SOHLH1: variants seen among roughly 807,000 people sequenced by gnomAD.
SOHLH1 encodes spermatogenesis- and oogenesis-specific basic helix-loop-helix-containing protein 1.
A neutral mutation model predicts 36.2 loss-of-function variants in SOHLH1; 23 were observed. That is an observed-to-expected ratio of 0.64 (90% CI 0.46 to 0.90). The LOEUF is 0.90. SOHLH1 is among the 40% of genes least tolerant of loss of function. SOHLH1 has a pLI of 0.00. For missense variants in SOHLH1, 608 were observed against 517.0 expected (o/e 1.18, Z -1.71); for synonymous variants, 289 against 228.3 (o/e 1.27, Z -2.40).
chr9:135,694,092 C>G lies in SOHLH1; in HGVS notation c.947-278G>C, dbSNP rs866623969. ...GGCCATACACCTTTGCCGGCCAGCACGGGCTGGACCAGGGGCCTCGCTGAC... is the reference window on the plus strand; with the variant it reads ...GGCCATACACCTTTGCCGGCCAGCAGGGGCTGGACCAGGGGCCTCGCTGAC... On this transcript the variant is annotated intron_variant, in intron 7 of 7. Coordinates refer to ENST00000425225, the MANE Select transcript of SOHLH1 (RefSeq NM_001101677.2). 3.5e-6 allele frequency: 5 copies of G among 1,427,760 alleles called. No individual in the cohort carries two copies. In the Admixed American group the frequency reaches 1.1e-4, roughly 33 times the overall value. The allele number at this position is 1,427,760 out of a possible 1,614,324, so 88.4% of individuals were successfully genotyped here. A position where few individuals can be genotyped will look rare whatever the true frequency, so the allele number is the denominator to read the frequency against.
At chr9:135,698,249 G>A (rs532319348) in intron 3 of SOHLH1, 80 bp downstream of exon 3, 362 of 1,589,294 alleles carry the variant, frequency 2.3e-4, no homozygotes, top group Non-Finnish European at 2.9e-4. Context: ...GGATGACAGG[G>A]GACACACTGC....
At chr9:135,695,316 G>T in intron 5 of SOHLH1, 53 bp from the exon 6 acceptor site, 2 of 1,526,870 alleles carry the variant, frequency 1.3e-6, no homozygotes, top group Non-Finnish European at 1.8e-6. Context: ...CCCACAGGCT[G>T]CCCCCGAGGA....
At position 135,695,136 on chromosome 9, in the gene SOHLH1, C is replaced by A. The variant is rs1445992899; in HGVS notation, c.789G>T (p.Trp263Cys). ...TGGCCAGGGGCCCAGCCTGGCCCAG[C>A]CAGCCAAGGGCCTCCCCGCTCATCA... ...LPVMSGEALGWLGQAGPLAMG... is the reference protein window; with the variant it reads ...LPVMSGEALGCLGQAGPLAMG... Residue 263 changes from tryptophan (W) to cysteine (C), a missense_variant, in exon 6 of 8, where the codon TGG (tryptophan) becomes TGT (cysteine). Coordinates refer to ENST00000425225, the MANE Select transcript of SOHLH1 (RefSeq NM_001101677.2). The A allele has an allele frequency of 6.3e-7, 1 of 1,598,442 alleles. No individual in the cohort carries two copies. Among genetic ancestry groups the A allele is most frequent in the South Asian group, 1.1e-5 (1 of 88,540 alleles).
In SOHLH1 at chr9:135,693,834, AT is replaced by A; in HGVS notation, c.947-21del. On this transcript the variant is annotated intron_variant, in intron 7 of 7. Transcript: ENST00000425225. ...GAGACCCTGGAAGCAAACAGGACAC[AT>A]CGGCAGGGCAGGCAGGTGCTCTGGG... 1 of 1,538,182 alleles carries A rather than the reference AT, an allele frequency of 6.5e-7. No individual in the cohort carries two copies. The highest frequency in any genetic ancestry group is 1.2e-5 in the South Asian group (1 of 83,888).
upstream of SOHLH1, chr9:135,699,494 C>A (rs375000520): frequency 4.4e-6 from 7 of 1,606,490 alleles, no homozygotes; most frequent in African/African-American, 6.7e-5. Context: ...AGCGACCCCA[C>A]GCGCACGGCC....
chr9:135,694,003 C>G, intron 7 of SOHLH1, 189 bp from the exon 8 acceptor site: 1 of 1,428,652 alleles, frequency 7.0e-7, no homozygotes, highest in Non-Finnish European at 9.1e-7. Flanking sequence ...CCTGTTGGAC[C>G]AGAACCAGGA....
chr9:135,697,720 G>A (rs558581081), intron 3 of SOHLH1, 93 bp from the exon 4 acceptor site: 6 of 1,480,728 alleles, frequency 4.1e-6, no homozygotes, highest in South Asian at 3.5e-5. Context: ...AGGGCCTGGA[G>A]GGTCACTGTG....
At position 135,698,486 on chromosome 9, in the gene SOHLH1, G is replaced by A. The variant is rs770530738; in HGVS notation, c.198-10C>T. ...CAACGACATCCGCTTCCTGGTTCCG[G>A]TCAAGAAACAAATACCTCTGGGCCC... On this transcript the variant is annotated splice_polypyrimidine_tract_variant and intron_variant, in intron 2 of 7. Transcript: ENST00000425225. 2.5e-6 allele frequency: 4 copies of A among 1,613,082 alleles called. No homozygotes were observed. Among genetic ancestry groups the A allele is most frequent in the East Asian group, 4.5e-5 (2 of 44,886 alleles).
Position 135,699,447 on chromosome 9 carries a change from C to A in SOHLH1, c.21G>T (p.Glu7Asp), listed in dbSNP as rs756470958. MASRCS[E>D]PYPEVSRIPT... ...GGATTCTGGAGACCTCCGGGTAGGG[C>A]TCGGAGCACCGGGACGCCATGAACT... The change falls in exon 1 of 8, where the codon GAG (glutamate) becomes GAT (aspartate). Residue 7 changes from glutamate to aspartate, a missense_variant. Physicochemically the swap from Glu to Asp is conservative, Grantham distance 45. Coordinates refer to ENST00000425225, the MANE Select transcript of SOHLH1 (RefSeq NM_001101677.2). The A allele has an allele frequency of 1.1e-5, 18 of 1,612,208 alleles. No individual in the cohort carries two copies. The highest frequency in any genetic ancestry group is 1.4e-5 in the Non-Finnish European group (16 of 1,179,792).
At chr9:135,701,166 G>A (rs1588237794), upstream of SOHLH1, among the ~76,000 whole-genome samples, 1 of 152,190 alleles carries the variant, frequency 6.6e-6, no homozygotes, top group Non-Finnish European at 1.5e-5. Context: ...GCTGTGTGGC[G>A]GGGGCACAGG....
intron 1 of SOHLH1, 34 bp downstream of exon 1, chr9:135,699,369 C>G: frequency 6.3e-7 from 1 of 1,596,036 alleles, no homozygotes; most frequent in Non-Finnish European, 8.6e-7. Context: ...GGCCTTGGGC[C>G]CCCAACCCCT....
upstream of SOHLH1, among the ~76,000 whole-genome samples, chr9:135,701,040 C>T (rs189073907): frequency 2.1e-3 from 318 of 152,360 alleles, 2 homozygotes; most frequent in African/African-American, 7.2e-3. Flanking sequence ...GGCAGGAGGG[C>T]GTTGGCAGAA....
rs766852992 is a variant in SOHLH1, at chr9:135,698,346, T to C, written c.328A>G (p.Ser110Gly). ...CAACTCACAGCGTGCTGCTCCTGAC[T>C]GGGCCCCAGGGCGCTGGCAAGCCGC... ...FLRLASALGP[S>G]QEQHAILASS... The change falls in exon 3 of 8, where the codon AGT becomes GGT. Residue 110 changes from serine to glycine, a missense_variant. Transcript: ENST00000425225. 6.2e-7 allele frequency: 1 copy of C among 1,612,966 alleles called. No individual in the cohort carries two copies.
At chr9:135,697,086 A>T (rs1429788959) in intron 4 of SOHLH1, among the ~76,000 whole-genome samples, 2 of 152,206 alleles carry the variant, frequency 1.3e-5, no homozygotes, top group African/African-American at 2.4e-5. Context: ...GGGTACATTT[A>T]AACACAAGAT....
chr9:135,695,042 G>C lies in SOHLH1; in HGVS notation c.875+8C>G, dbSNP rs776928977. 3.8e-6 allele frequency: 6 copies of C among 1,586,526 alleles called. No individual in the cohort carries two copies. In the East Asian group the frequency reaches 1.4e-4, roughly 37 times the overall value. ...ACACACAGGCGTGCACACCACCTGGGCACTCACCCGGCCTCCTGCGCCAGC... is the reference window on the plus strand; with the variant it reads ...ACACACAGGCGTGCACACCACCTGGCCACTCACCCGGCCTCCTGCGCCAGC... On this transcript the variant is annotated splice_region_variant and intron_variant, in intron 6 of 7. Transcript: ENST00000425225.
At chr9:135,697,665 C>T (rs1025397446) in intron 3 of SOHLH1, 38 bp from the exon 4 acceptor site, 2 of 1,597,748 alleles carry the variant, frequency 1.3e-6, no homozygotes, top group African/African-American at 1.3e-5. Context: ...AAGACAGAGA[C>T]AGTCAGCTGA....
upstream of SOHLH1, among the ~76,000 whole-genome samples, chr9:135,701,078 C>T (rs1043416173): frequency 8.5e-5 from 13 of 152,246 alleles, no homozygotes; most frequent in African/African-American, 2.4e-4. Context: ...CGGCGGCACC[C>T]GCCCAGGGGT....
At chr9:135,695,860 C>T (rs936004681) in intron 5 of SOHLH1, among the ~76,000 whole-genome samples, 10 of 152,280 alleles carry the variant, frequency 6.6e-5, no homozygotes, top group African/African-American at 2.2e-4. Context: ...ACAAAGGCCC[C>T]GGGTGGCAGA....
upstream of SOHLH1, among the ~76,000 whole-genome samples, chr9:135,701,722 G>T (rs1167170410): frequency 6.6e-6 from 1 of 152,184 alleles, no homozygotes; most frequent in Non-Finnish European, 1.5e-5. Flanking sequence ...GGGTGTGGGG[G>T]CGGGGGGGCG....
Sources: gnomAD v4.1 joint callset for allele counts (sites outside exome capture counted in the v4.1 genomes callset) on GRCh38, gnomAD v4.1.1 for gene constraint, MANE v1.5 for transcripts, NCBI Gene and HGNC (gene_info 2026-07-23, HGNC 2026-07-21) for gene names.